The following CSRP3 variants were observed in gnomAD, a reference collection of about 807,000 sequenced individuals.
The protein encoded by CSRP3 is cysteine and glycine-rich protein 3.
CSRP3 carries 24 observed loss-of-function variants against 24.3 expected under a neutral mutation model. The observed-to-expected ratio is 0.99, with a 90% CI of 0.71 to 1.39. The LOEUF (loss-of-function observed/expected upper bound fraction) is 1.39. Ranked by LOEUF, CSRP3 falls within the 40% of genes most tolerant of loss-of-function variation. The probability of loss-of-function intolerance (pLI) is 0.00; values close to 1 mark genes in which losing one functional copy is unlikely to be tolerated. For synonymous variants in CSRP3, 105 were observed against 94.0 expected (o/e 1.12, Z -0.68); for missense variants, 240 against 249.0 (o/e 0.96, Z 0.24).
chr11:19,197,398 C>T (rs12789432), intron 1 of CSRP3, among the ~76,000 whole-genome samples: 1 of 43,592 alleles, frequency 2.3e-5, no homozygotes, highest in Non-Finnish European at 3.6e-5. Flanking sequence ...CCCTTCCTTC[C>T]TTCCTTCCTT....
intron 1 of CSRP3, among the ~76,000 whole-genome samples, chr11:19,195,996 T>C (rs1850695995): frequency 6.6e-6 from 1 of 152,142 alleles, no homozygotes; most frequent in Admixed American, 6.5e-5. Flanking sequence ...AGGCCAGGCA[T>C]GGTGGCTCAC....
chr11:19,188,395 A>C, intron 2 of CSRP3, 91 bp from the exon 3 acceptor site: 2 of 1,420,608 alleles, frequency 1.4e-6, no homozygotes, highest in Non-Finnish European at 9.8e-7. Context: ...CCAGAGACCC[A>C]GCATGAGGGG....
At chr11:19,197,296 A>G (rs1472018601) in intron 1 of CSRP3, among the ~76,000 whole-genome samples, 2 of 152,036 alleles carry the variant, frequency 1.3e-5, no homozygotes, top group Non-Finnish European at 2.9e-5. Context: ...AAGAATAACT[A>G]AACTGTGTAT....
intron 1 of CSRP3, 45 bp from the exon 2 acceptor site, chr11:19,192,521 GA>G (rs1850633783): frequency 8.3e-7 from 1 of 1,208,158 alleles, no homozygotes; most frequent in Non-Finnish European, 1.2e-6. Flanking sequence ...GTGGCCCCAG[GA>G]GTGAACCAAT....
In CSRP3 at chr11:19,186,292, T is replaced by A. The variant is rs1181876627; in HGVS notation, c.338A>T (p.Lys113Met). The A allele has an allele frequency of 6.2e-7, 1 of 1,614,194 alleles. No individual in the cohort carries two copies. Among genetic ancestry groups the A allele is most frequent in the African/African-American group, 1.3e-5 (1 of 75,056 alleles). Residue 113 changes from lysine to methionine, a missense_variant, in exon 4 of 6, where the codon AAG (lysine) becomes ATG (methionine). Transcript: ENST00000265968. ...AGGGCACTTCTCGGACTCTCCAAAC[T>A]TCGCAGTGAATTTGGAAGGGTTGCT... ...TTSNPSKFTAKFGESEKCPRC... is the reference protein window; with the variant it reads ...TTSNPSKFTAMFGESEKCPRC...
intron 5 of CSRP3, among the ~76,000 whole-genome samples, chr11:19,184,692 G>A (rs1850495576): frequency 6.6e-6 from 1 of 152,164 alleles, no homozygotes; most frequent in Admixed American, 6.5e-5. Flanking sequence ...CTCTCCCCCA[G>A]GTGCCTAACT....
At chr11:19,199,522 A>G (rs543931204) in intron 1 of CSRP3, among the ~76,000 whole-genome samples, 21 of 152,096 alleles carry the variant, frequency 1.4e-4, no homozygotes, top group African/African-American at 3.6e-4. Flanking sequence ...TGACCTCTAC[A>G]ATTTATTTCT....
chr11:19,186,093 TA>T, intron 4 of CSRP3, 122 bp downstream of exon 4: 1 of 1,314,426 alleles, frequency 7.6e-7, no homozygotes, highest in Non-Finnish European at 1.1e-6. Flanking sequence ...GTGTGGTTTC[TA>T]AAGTTGTTCT....
At chr11:19,183,866 A>T (rs1850479859) in intron 5 of CSRP3, among the ~76,000 whole-genome samples, 1 of 152,034 alleles carries the variant, frequency 6.6e-6, no homozygotes, top group Non-Finnish European at 1.5e-5. Flanking sequence ...CCAGCGGGAG[A>T]TAATTGAATC....
rs1336333292 is a variant in CSRP3 at position 19,185,060 on chromosome 11, A to G, written c.415-15T>C. 4 of 1,600,808 alleles carry G rather than the reference A, an allele frequency of 2.5e-6. No individual in the cohort carries two copies. The South Asian group carries it at 3.3e-5, about 13-fold the overall frequency. On this transcript the variant is annotated splice_polypyrimidine_tract_variant and intron_variant, in intron 4 of 5. Transcript: ENST00000265968. ...TTGTGCCAAGGCTGAGGGGCACAGA[A>G]AAGTTGCATATTTAATGAGGTAGGC...
chr11:19,184,705 C>T (rs1850495684), intron 5 of CSRP3, among the ~76,000 whole-genome samples: 1 of 152,182 alleles, frequency 6.6e-6, no homozygotes, highest in Admixed American at 6.5e-5. Context: ...GCCTAACTTC[C>T]CGAACCACTG....
At chr11:19,188,829 A>C (rs1418518432) in intron 2 of CSRP3, among the ~76,000 whole-genome samples, 1 of 152,138 alleles carries the variant, frequency 6.6e-6, no homozygotes, top group East Asian at 1.9e-4. Flanking sequence ...TTCTGGAAGC[A>C]GAGGAGGTGG....
At chr11:19,187,607 G>T (rs1850548353) in intron 3 of CSRP3, among the ~76,000 whole-genome samples, 1 of 152,208 alleles carries the variant, frequency 6.6e-6, no homozygotes, top group Admixed American at 6.5e-5. Context: ...CTCTAGCACT[G>T]TATTGGCAAC....
chr11:19,200,362 A>G (rs1273504131), intron 1 of CSRP3, among the ~76,000 whole-genome samples: 1 of 152,094 alleles, frequency 6.6e-6, no homozygotes, highest in Non-Finnish European at 1.5e-5. Context: ...AGGATTTCTG[A>G]GTTTCTATTC....
intron 1 of CSRP3, among the ~76,000 whole-genome samples, chr11:19,193,395 C>T (rs545931270): frequency 1.3e-5 from 2 of 152,338 alleles, no homozygotes; most frequent in South Asian, 4.1e-4. Flanking sequence ...ACATGTCCTC[C>T]TGCACCATTG....
intron 5 of CSRP3, among the ~76,000 whole-genome samples, chr11:19,183,166 A>T (rs74579542): frequency 4.7e-5 from 7 of 149,754 alleles, no homozygotes; most frequent in South Asian, 2.1e-4. Flanking sequence ...TCAAGAATAA[A>T]AATAATAAAA....
intron 3 of CSRP3, 40 bp from the exon 4 acceptor site, chr11:19,186,388 T>C: frequency 6.2e-7 from 1 of 1,613,934 alleles, no homozygotes; most frequent in South Asian, 1.1e-5. Context: ...TAGATTTCCC[T>C]TGGCAAAGAG....
chr11:19,185,048 G>A lies in CSRP3; in HGVS notation c.415-3C>T, dbSNP rs1168570588. The A allele has an allele frequency of 6.2e-7, 1 of 1,611,782 alleles. No homozygotes were observed. The highest frequency in any genetic ancestry group is 1.3e-5 in the African/African-American group (1 of 74,910). ...CGGAAACAGGTCTTGTGCCAAGGCT[G>A]AGGGGCACAGAAAAGTTGCATATTT... On this transcript the variant is annotated splice_polypyrimidine_tract_variant and splice_region_variant and intron_variant, in intron 4 of 5. Coordinates refer to ENST00000265968, the MANE Select transcript of CSRP3 (RefSeq NM_003476.5).
Position 19,185,240 on chromosome 11 carries a change from A to C in CSRP3, c.415-195T>G, listed in dbSNP as rs147493362. 7.7e-4 allele frequency among the ~76,000 whole-genome samples: 117 copies of C among 152,384 alleles called. 1 individual carries two copies. Among genetic ancestry groups the C allele is most frequent in the African/African-American group, 2.8e-3 (116 of 41,596 alleles). ...TTAGCCAGCACTTCTCAGAAGCCTG[A>C]AAATGGATTTGTCATGGTGATTTGC... On this transcript the variant is annotated intron_variant, in intron 4 of 5. Coordinates refer to ENST00000265968, the MANE Select transcript of CSRP3 (RefSeq NM_003476.5).
Sources: gnomAD v4.1 joint callset for allele counts (sites outside exome capture counted in the v4.1 genomes callset) on GRCh38, gnomAD v4.1.1 for gene constraint, MANE v1.5 for transcripts, NCBI Gene and HGNC (gene_info 2026-07-23, HGNC 2026-07-21) for gene names.